Variants in ARFGEF3 observed in about 807,000 individuals in gnomAD.
ARFGEF3 encodes the protein brefeldin A-inhibited guanine nucleotide-exchange protein 3.
A neutral mutation model predicts 221.7 loss-of-function variants in ARFGEF3; 96 were observed. That is an observed-to-expected ratio of 0.43 (90% CI 0.37 to 0.51). The LOEUF (loss-of-function observed/expected upper bound fraction) is 0.51, where lower values mean the gene tolerates loss of function less well. Among genes scored for constraint, ARFGEF3 ranks in the 20% least tolerant of loss-of-function variants. ARFGEF3 has a pLI of 0.00. For synonymous variants in ARFGEF3, 1,145 were observed against 1,126.8 expected (o/e 1.02, Z -0.32); for missense variants, 2,410 against 2,789.9 (o/e 0.86, Z 3.07).
At chr6:138,265,278 A>G (rs1445627944) in intron 12 of ARFGEF3, among the ~76,000 whole-genome samples, 1 of 152,068 alleles carries the variant, frequency 6.6e-6, no homozygotes, top group Non-Finnish European at 1.5e-5. Context: ...TACTCCAGAA[A>G]TTTTCACATG....
At chr6:138,296,314 T>C (rs1300129363) in intron 20 of ARFGEF3, among the ~76,000 whole-genome samples, 1 of 152,148 alleles carries the variant, frequency 6.6e-6, no homozygotes, top group Non-Finnish European at 1.5e-5. Flanking sequence ...GTAATAATAA[T>C]AGCTAAAAAT....
chr6:138,306,727 G>A (rs1291685548), intron 22 of ARFGEF3, among the ~76,000 whole-genome samples: 2 of 151,820 alleles, frequency 1.3e-5, no homozygotes, highest in Admixed American at 1.3e-4. Flanking sequence ...GTGCTTGAAT[G>A]TATATGATAA....
chr6:138,294,224 T>G, intron 20 of ARFGEF3, 98 bp downstream of exon 20: 2 of 1,281,728 alleles, frequency 1.6e-6, no homozygotes, highest in Non-Finnish European at 2.2e-6. Context: ...GACTCCACAT[T>G]CCCATTGCTT....
chr6:138,244,948 T>C (rs1778457956), intron 7 of ARFGEF3, among the ~76,000 whole-genome samples: 1 of 152,206 alleles, frequency 6.6e-6, no homozygotes, highest in African/African-American at 2.4e-5. Context: ...GAGTGATTTT[T>C]ATTAATAAGA....
chr6:138,271,475 C>T (rs1361595273), intron 12 of ARFGEF3, among the ~76,000 whole-genome samples: 1 of 152,066 alleles, frequency 6.6e-6, no homozygotes, highest in African/African-American at 2.4e-5. Flanking sequence ...CCTATATGCC[C>T]TGCATTGTCT....
intron 27 of ARFGEF3, among the ~76,000 whole-genome samples, chr6:138,317,647 G>T (rs1257944331): frequency 6.6e-6 from 1 of 152,196 alleles, no homozygotes; most frequent in South Asian, 2.1e-4. Context: ...ACATTAATCA[G>T]ACCAAGGCTA....
At chr6:138,281,195 TG>T (rs2114620390) in intron 14 of ARFGEF3, among the ~76,000 whole-genome samples, 1 of 152,310 alleles carries the variant, frequency 6.6e-6, no homozygotes, top group South Asian at 2.1e-4. Context: ...AAGCAGGGGC[TG>T]GGCAGATGTC....
In ARFGEF3 at chr6:138,218,354, G is replaced by A. The variant is rs183062454; in HGVS notation, c.351+8313G>A. 24 of 1,548,406 alleles carry A rather than the reference G, an allele frequency of 1.5e-5. No homozygotes were observed. The African/African-American group carries it at 2.9e-4, about 19-fold the overall frequency. On this transcript the variant is annotated intron_variant, in intron 4 of 33. Transcript: ENST00000251691. ...TGATCTGTAAAATGTGAATAATATT[G>A]TGCATATCCTCATATTTCTGGTTCC...
chr6:138,192,605 A>G lies in ARFGEF3; in HGVS notation c.138-14437A>G, dbSNP rs547080501. On this transcript the variant is annotated intron_variant, in intron 2 of 33. Transcript: ENST00000251691. ...TAGGCCTAAGGGCTGGCCATGAAGC[A>G]GTTAACTGCAGTGATTGTGGGTTGG... 7.2e-5 allele frequency among the ~76,000 whole-genome samples: 11 copies of G among 152,364 alleles called. No homozygotes were observed. The South Asian group carries it at 1.7e-3, about 23-fold the overall frequency.
At chr6:138,192,300 C>T (rs923659711) in intron 2 of ARFGEF3, among the ~76,000 whole-genome samples, 1 of 152,072 alleles carries the variant, frequency 6.6e-6, no homozygotes, top group Non-Finnish European at 1.5e-5. Flanking sequence ...ACCAGCCTGG[C>T]TAACATGACG....
intron 5 of ARFGEF3, among the ~76,000 whole-genome samples, chr6:138,233,672 C>T (rs958151542): frequency 5.3e-5 from 8 of 152,238 alleles, no homozygotes; most frequent in African/African-American, 9.6e-5. Flanking sequence ...CCACCGTACC[C>T]GGCCAATACT....
intron 2 of ARFGEF3, among the ~76,000 whole-genome samples, chr6:138,203,138 T>A (rs901798566): frequency 6.6e-6 from 1 of 150,570 alleles, no homozygotes; most frequent in Non-Finnish European, 1.5e-5. Flanking sequence ...AGGAAGAGGG[T>A]CCTTTGCCAG....
chr6:138,296,500 G>A (rs549849788), intron 20 of ARFGEF3, among the ~76,000 whole-genome samples: 4 of 152,116 alleles, frequency 2.6e-5, no homozygotes, highest in Non-Finnish European at 2.9e-5. Context: ...GCCAGGATTC[G>A]AATCCAGACG....
intron 4 of ARFGEF3, among the ~76,000 whole-genome samples, chr6:138,227,636 C>T (rs1778109752): frequency 6.6e-6 from 1 of 152,150 alleles, no homozygotes; most frequent in Admixed American, 6.5e-5. Context: ...TCCCCGCCCC[C>T]CGCCATGAAA....
intron 29 of ARFGEF3, among the ~76,000 whole-genome samples, chr6:138,323,085 TC>T (rs561056897): frequency 4.3e-4 from 66 of 152,014 alleles, no homozygotes; most frequent in Middle Eastern, 3.4e-3. Flanking sequence ...GGAACTAGAA[TC>T]CAAAAATCAC....
At position 138,336,749 on chromosome 6, in the gene ARFGEF3, T is replaced by C; in HGVS notation, c.*263T>C. The C allele has an allele frequency of 3.7e-6, 1 of 271,534 alleles. No individual in the cohort carries two copies. Among genetic ancestry groups the C allele is most frequent in the Non-Finnish European group, 6.8e-6 (1 of 146,354 alleles). 16.8% of individuals were successfully genotyped at this position (271,534 alleles called of 1,614,324 possible). A position where few individuals can be genotyped will look rare whatever the true frequency, so the allele number is the denominator to read the frequency against. On this transcript the variant is annotated 3_prime_UTR_variant, in exon 34 of 34. Coordinates refer to ENST00000251691, the MANE Select transcript of ARFGEF3 (RefSeq NM_020340.5). ...CTATAATCCTTGATATGTTTCTAAC[T>C]CTTGAAGTATATTTCCCAGTGCTTT...
At chr6:138,235,738 G>A (rs570748261) in intron 5 of ARFGEF3, among the ~76,000 whole-genome samples, 21 of 152,120 alleles carry the variant, frequency 1.4e-4, no homozygotes, top group Admixed American at 1.3e-3. Context: ...TTTAGAAGAT[G>A]TCAAGATAGC....
At chr6:138,269,246 CCT>C (rs1778951926) in intron 12 of ARFGEF3, among the ~76,000 whole-genome samples, 1 of 152,270 alleles carries the variant, frequency 6.6e-6, no homozygotes, top group African/African-American at 2.4e-5. Flanking sequence ...CGCTTCTTCC[CCT>C]GTCTCTTCAC....
intron 12 of ARFGEF3, among the ~76,000 whole-genome samples, chr6:138,270,822 C>T (rs79019706): frequency 0.038 from 5,717 of 151,910 alleles, 147 homozygotes; most frequent in Non-Finnish European, 0.056. Context: ...TGGGAAGAGG[C>T]GGAATAGAGG....
Sources: allele counts gnomAD v4.1 joint callset (sites outside exome capture counted in the v4.1 genomes callset), GRCh38; gene constraint gnomAD v4.1.1; transcripts MANE v1.5; gene names NCBI Gene and HGNC (gene_info 2026-07-23, HGNC 2026-07-21).